Variants in CDCA7L observed in about 807,000 individuals in gnomAD.
CDCA7L encodes cell division cycle associated 7 like.
CDCA7L carries 44 observed loss-of-function variants against 57.4 expected under a neutral mutation model. The observed-to-expected ratio is 0.77, with a 90% CI of 0.60 to 0.98. CDCA7L has a LOEUF of 0.98. Ranked by LOEUF, CDCA7L falls within the 50% of genes least tolerant of loss-of-function variation. CDCA7L has a pLI of 0.00. For missense variants in CDCA7L, 644 were observed against 580.6 expected (o/e 1.11, Z -1.12); for synonymous variants, 236 against 202.8 (o/e 1.16, Z -1.39).
intron 2 of CDCA7L, among the ~76,000 whole-genome samples, chr7:21,913,269 TG>T (rs1309313888): frequency 6.6e-6 from 1 of 152,074 alleles, no homozygotes; most frequent in Non-Finnish European, 1.5e-5. Flanking sequence ...TATGGGTAAT[TG>T]GAGTGAGTTT....
intron 1 of CDCA7L, among the ~76,000 whole-genome samples, chr7:21,926,768 G>A (rs1302867772): frequency 6.6e-6 from 1 of 152,148 alleles, no homozygotes; most frequent in Non-Finnish European, 1.5e-5. Context: ...TGCTACTTGG[G>A]AGCCTGAGGC....
At position 21,904,100 on chromosome 7, in the gene CDCA7L, C is replaced by G. The variant is rs750961245; in HGVS notation, c.1197+10G>C. 3 of 1,580,284 alleles carry G rather than the reference C, an allele frequency of 1.9e-6. No homozygotes were observed. Among genetic ancestry groups the G allele is most frequent in the Non-Finnish European group, 2.6e-6 (3 of 1,164,992 alleles). ...ATACAATTTACAACAAATGCAAACACTGTTCCTACCGGGTCCAGCAATGCC... is the reference window on the plus strand; with the variant it reads ...ATACAATTTACAACAAATGCAAACAGTGTTCCTACCGGGTCCAGCAATGCC... On this transcript the variant is annotated intron_variant, in intron 8 of 9. Coordinates refer to ENST00000406877, the MANE Select transcript of CDCA7L (RefSeq NM_018719.5).
intron 2 of CDCA7L, among the ~76,000 whole-genome samples, chr7:21,913,090 G>A (rs1383603023): frequency 6.6e-6 from 1 of 152,074 alleles, no homozygotes; most frequent in Non-Finnish European, 1.5e-5. Context: ...CGGGGAATCT[G>A]TATCTACCCC....
chr7:21,908,654 C>A, intron 3 of CDCA7L, 147 bp from the exon 4 acceptor site: 1 of 893,236 alleles, frequency 1.1e-6, no homozygotes. Context: ...CTCTGAATTT[C>A]CTTTAAATGT....
chr7:21,915,753 G>C (rs1003577437), intron 2 of CDCA7L, among the ~76,000 whole-genome samples: 3 of 151,674 alleles, frequency 2.0e-5, no homozygotes, highest in African/African-American at 7.3e-5. Context: ...GCTTGAACCC[G>C]GGAGGCAGAA....
chr7:21,909,907 C>G (rs1785261880), intron 3 of CDCA7L, among the ~76,000 whole-genome samples: 1 of 152,184 alleles, frequency 6.6e-6, no homozygotes, highest in Admixed American at 6.5e-5. Flanking sequence ...CCCCTGGAAA[C>G]CAAGTTACAG....
chr7:21,905,384 C>T, intron 7 of CDCA7L, 122 bp downstream of exon 7: 1 of 1,126,990 alleles, frequency 8.9e-7, no homozygotes, highest in Non-Finnish European at 1.3e-6. Flanking sequence ...CCCTCCAATT[C>T]AGAGCCTGGC....
chr7:21,903,133 C>T lies in CDCA7L; in HGVS notation c.1198-19G>A, dbSNP rs1194508883. Reference sequence around the variant, plus strand: ...CCCAATCCTAACAGAGAGATGACAGCAGACACTTCGCTCATTATCTACAGG... The same window carrying T: ...CCCAATCCTAACAGAGAGATGACAGTAGACACTTCGCTCATTATCTACAGG... On this transcript the variant is annotated intron_variant, in intron 8 of 9. Transcript: ENST00000406877. 6 of 1,606,932 alleles carry T rather than the reference C, an allele frequency of 3.7e-6. No individual in the cohort carries two copies. Among genetic ancestry groups the T allele is most frequent in the African/African-American group, 2.7e-5 (2 of 72,932 alleles).
chr7:21,944,449 CAAAAAAA>C (rs59373889), intron 1 of CDCA7L, among the ~76,000 whole-genome samples: 60 of 61,632 alleles, frequency 9.7e-4, no homozygotes, highest in Middle Eastern at 0.011. Flanking sequence ...ACTCCGTCTC[CAAAAAAA>C]AAAAAAAAAA....
At chr7:21,945,202 G>C (rs1786481244) in intron 1 of CDCA7L, among the ~76,000 whole-genome samples, 3 of 152,018 alleles carry the variant, frequency 2.0e-5, no homozygotes, top group Admixed American at 2.0e-4. Flanking sequence ...CATATGATTT[G>C]GGATCTTGCA....
At chr7:21,941,932 AAGGTCCCCC>A (rs1283102888) in intron 1 of CDCA7L, among the ~76,000 whole-genome samples, 1 of 152,146 alleles carries the variant, frequency 6.6e-6, no homozygotes, top group African/African-American at 2.4e-5. Flanking sequence ...CTCCAAACCC[AAGGTCCCCC>A]AGGTCCCCAT....
At chr7:21,913,480 G>C (rs1009196727) in intron 2 of CDCA7L, among the ~76,000 whole-genome samples, 9 of 152,202 alleles carry the variant, frequency 5.9e-5, no homozygotes, top group African/African-American at 2.2e-4. Flanking sequence ...TGAGCCTGTG[G>C]GGTCGGGGTA....
At chr7:21,911,794 A>C in intron 2 of CDCA7L, 40 bp from the exon 3 acceptor site, 2 of 1,586,358 alleles carry the variant, frequency 1.3e-6, no homozygotes, top group Non-Finnish European at 1.7e-6. Flanking sequence ...CGGAAAGTAG[A>C]ATAGAGGTTA....
Position 21,901,587 on chromosome 7 carries a change from C to CATATGTG in CDCA7L, c.*734_*735insCACATAT, listed in dbSNP as rs1784860517. ...CCATCTCAAAAAAAAAAAAGTACAT[C>CATATGTG]ATAAAAGTACATCATATGTGAACAT... On this transcript the variant is annotated 3_prime_UTR_variant, in exon 10 of 10. Transcript: ENST00000406877. 1.7e-5 allele frequency: 3 copies of CATATGTG among 176,022 alleles called. No individual in the cohort carries two copies. Among genetic ancestry groups the CATATGTG allele is most frequent in the African/African-American group, 4.8e-5 (2 of 41,812 alleles). 10.9% of individuals were successfully genotyped at this position (176,022 alleles called of 1,614,324 possible).
At chr7:21,906,717 T>G in intron 4 of CDCA7L, 78 bp from the exon 5 acceptor site, 1 of 1,399,398 alleles carries the variant, frequency 7.1e-7, no homozygotes, top group Non-Finnish European at 1.0e-6. Context: ...ATCTCAAGTC[T>G]TCCATTTTGC....
intron 1 of CDCA7L, among the ~76,000 whole-genome samples, chr7:21,918,844 A>G (rs1197856410): frequency 1.3e-5 from 2 of 152,206 alleles, no homozygotes; most frequent in South Asian, 4.1e-4. Context: ...AACAAAACAA[A>G]AAACAATAAC....
At chr7:21,907,120 A>G (rs376324660) in intron 4 of CDCA7L, among the ~76,000 whole-genome samples, 1 of 152,202 alleles carries the variant, frequency 6.6e-6, no homozygotes, top group Admixed American at 6.5e-5. Flanking sequence ...TAATCTATGA[A>G]GATATTCCTA....
At chr7:21,914,110 A>G (rs1395145648) in intron 2 of CDCA7L, among the ~76,000 whole-genome samples, 2 of 152,234 alleles carry the variant, frequency 1.3e-5, no homozygotes, top group Non-Finnish European at 2.9e-5. Flanking sequence ...ATAGGTGGAT[A>G]AACTTATTTT....
intron 1 of CDCA7L, among the ~76,000 whole-genome samples, chr7:21,926,430 T>C (rs1189331485): frequency 6.6e-6 from 1 of 152,322 alleles, no homozygotes; most frequent in East Asian, 1.9e-4. Context: ...TATATAAAGA[T>C]TTCTTACAAC....
Sources: allele counts gnomAD v4.1 joint callset (sites outside exome capture counted in the v4.1 genomes callset), GRCh38; gene constraint gnomAD v4.1.1; transcripts MANE v1.5; gene names NCBI Gene and HGNC (gene_info 2026-07-23, HGNC 2026-07-21).